The following FSCN2 variants were observed in gnomAD, a reference collection of about 807,000 sequenced individuals.
FSCN2 encodes fascin actin-bundling protein 2, retinal.
FSCN2 carries 46 observed loss-of-function variants against 37.8 expected under a neutral mutation model. The observed-to-expected ratio is 1.22, with a 90% CI of 0.96 to 1.56. FSCN2 has a LOEUF of 1.56. Ranked by LOEUF, FSCN2 falls within the 40% of genes most tolerant of loss-of-function variation. The pLI is 0.00. For missense variants in FSCN2, 844 were observed against 730.4 expected (o/e 1.16, Z -1.79); for synonymous variants, 351 against 309.4 (o/e 1.13, Z -1.41).
intron 3 of FSCN2, 176 bp from the exon 4 acceptor site, chr17:81,536,446 A>G (rs2075722): frequency 0.2 from 289,920 of 1,477,848 alleles, 31,035 homozygotes; most frequent in African/African-American, 0.38. Flanking sequence ...ACAGGTCTGA[A>G]TGTCCTTATC....
In FSCN2 at chr17:81,535,200, C is replaced by T; in HGVS notation, c.975C>T (p.Ala325=). The T allele has an allele frequency of 6.5e-7, 1 of 1,531,018 alleles. No individual in the cohort carries two copies. Among genetic ancestry groups the T allele is most frequent in the Non-Finnish European group, 8.7e-7 (1 of 1,143,912 alleles). The allele number at this position is 1,531,018 out of a possible 1,614,324, so 94.8% of individuals were successfully genotyped here. A position where few individuals can be genotyped will look rare whatever the true frequency, so the allele number is the denominator to read the frequency against. Residue 325 remains alanine, a synonymous_variant, in exon 2 of 5, where the codon GCC becomes GCT. Coordinates refer to ENST00000417245, the MANE Select transcript of FSCN2 (RefSeq NM_012418.4). Reference sequence around the variant, plus strand: ...CCCATGGGGGCATTCACGCCACAGCCACACAAGTGTGAGTGCACACATCCC... The same window carrying T: ...CCCATGGGGGCATTCACGCCACAGCTACACAAGTGTGAGTGCACACATCCC... ...LVTHGGIHAT[A]TQVSANTMFE...
rs374441539 is a variant in FSCN2, at chr17:81,536,187, G to A, written c.1025G>A (p.Arg342Gln). 98 of 1,601,692 alleles carry A rather than the reference G, an allele frequency of 6.1e-5. No individual in the cohort carries two copies. The highest frequency in any genetic ancestry group is 3.3e-4 in the Middle Eastern group (2 of 6,068). The change falls in exon 3 of 5, where the codon CGG (arginine) becomes CAG (glutamine). Residue 342 changes from arginine to glutamine, a missense_variant. Coordinates refer to ENST00000417245, the MANE Select transcript of FSCN2 (RefSeq NM_012418.4). ...TTTGAGATGGAGTGGCGTGGCCGGC[G>A]GGTAGCACTCAAAGCCAGCAACGGG... ...TMFEMEWRGR[R>Q]VALKASNGRY...
chr17:81,518,054 C>T, the FSCN2 span, among the ~76,000 whole-genome samples: 2 of 152,156 alleles, frequency 1.3e-5, no homozygotes, highest in South Asian at 2.1e-4. Context: ...CAAATCCCCG[C>T]TGCTCCCAAG....
Position 81,529,036 on chromosome 17 carries a change from T to A in FSCN2, c.505T>A (p.Trp169Arg). 1 of 1,589,406 alleles carries A rather than the reference T, an allele frequency of 6.3e-7. No homozygotes were observed. The highest frequency in any genetic ancestry group is 8.5e-7 in the Non-Finnish European group (1 of 1,171,540). Reference protein sequence around the residue: ...DEMAADGDKPWGVDALLTLIF... With the variant: ...DEMAADGDKPRGVDALLTLIF... ...GATGGCCGCAGACGGAGACAAGCCC[T>A]GGGGCGTGGACGCCCTCCTCACCCT... is the stretch of plus-strand genomic sequence containing the variant. The change falls in exon 1 of 5, where the codon TGG becomes AGG. Residue 169 changes from tryptophan (W) to arginine (R), a missense_variant. Trp to Arg is a moderately radical substitution (Grantham distance 101). Transcript: ENST00000417245.
chr17:81,523,212 G>A, the FSCN2 span, among the ~76,000 whole-genome samples: 1 of 152,174 alleles, frequency 6.6e-6, no homozygotes, highest in Non-Finnish European at 1.5e-5. Context: ...AGCTGCTTTC[G>A]GGGAGGGGCA....
intron 1 of FSCN2, 55 bp downstream of exon 1, chr17:81,529,412 A>G (rs1598570532): frequency 7.4e-7 from 1 of 1,355,602 alleles, no homozygotes; most frequent in African/African-American, 1.4e-5. Flanking sequence ...CCCCTGCTTC[A>G]GGGAGGAGGC....
chr17:81,523,659 CAG>C (rs2032268711), upstream of FSCN2: 1 of 152,506 alleles, frequency 6.6e-6, no homozygotes, highest in Non-Finnish European at 1.5e-5. Context: ...TCACTGGAGA[CAG>C]GGATGCCAAC....
chr17:81,532,161 ATGGTGATGGTGGTGGTGATGGTGG>A (rs1310608016), intron 1 of FSCN2, among the ~76,000 whole-genome samples: 14 of 72,154 alleles, frequency 1.9e-4, no homozygotes, highest in Admixed American at 1.2e-3. Flanking sequence ...GGTGATGATG[ATGGTGATGGTGGTGGTGATGGTGG>A]TGGTGATGGT....
intron 1 of FSCN2, among the ~76,000 whole-genome samples, chr17:81,532,715 G>GGT (rs1369022474): frequency 2.0e-4 from 31 of 151,812 alleles, no homozygotes; most frequent in African/African-American, 7.0e-4. Flanking sequence ...TAGTGATGGT[G>GGT]GTGGTGATAG....
Position 81,536,138 on chromosome 17 carries a change from C to A in FSCN2, c.984-8C>A. 6.2e-7 allele frequency: 1 copy of A among 1,606,426 alleles called. No homozygotes were observed. On this transcript the variant is annotated splice_region_variant and splice_polypyrimidine_tract_variant and intron_variant, in intron 2 of 4. Coordinates refer to ENST00000417245, the MANE Select transcript of FSCN2 (RefSeq NM_012418.4). ...TGTCCTGAGGAGACCTTTTGCTGCT[C>A]CCTCCAGTTCTGCCAACACCATGTT... is the stretch of plus-strand genomic sequence containing the variant.
intron 1 of FSCN2, chr17:81,529,610 C>A: frequency 1.4e-6 from 1 of 722,756 alleles, no homozygotes; most frequent in Admixed American, 1.8e-5. Flanking sequence ...CCTTTCTCAG[C>A]ATAGCTGGAG....
At chr17:81,528,292 G>T, upstream of FSCN2, 1 of 552,990 alleles carries the variant, frequency 1.8e-6, no homozygotes, top group Non-Finnish European at 3.3e-6. Flanking sequence ...CTGCTCCTAA[G>T]CCGCACGTCT....
chr17:81,520,303 G>C, the FSCN2 span, among the ~76,000 whole-genome samples: 1 of 152,188 alleles, frequency 6.6e-6, no homozygotes, highest in Admixed American at 6.5e-5. Flanking sequence ...GGAGAGGCCC[G>C]AGCTGGGGTC....
At chr17:81,517,774 C>T in the FSCN2 span, among the ~76,000 whole-genome samples, 523 of 149,498 alleles carry the variant, frequency 3.5e-3, 3 homozygotes, top group Non-Finnish European at 6.0e-3. Context: ...CCCCCCCCTC[C>T]AGTCCCACTC....
upstream of FSCN2, among the ~76,000 whole-genome samples, chr17:81,528,072 C>T (rs562446959): frequency 8.5e-5 from 13 of 152,074 alleles, no homozygotes; most frequent in African/African-American, 2.4e-4. Flanking sequence ...TGGGCCGGGC[C>T]GGGCCGGGAG....
chr17:81,521,244 C>A, the FSCN2 span, among the ~76,000 whole-genome samples: 3 of 151,736 alleles, frequency 2.0e-5, no homozygotes, highest in Non-Finnish European at 4.4e-5. Context: ...ATTTTTGTAT[C>A]TTTAGTAGAG....
chr17:81,530,192 A>T (rs2032504524), intron 1 of FSCN2: 1 of 281,322 alleles, frequency 3.6e-6, no homozygotes, highest in African/African-American at 2.3e-5. Flanking sequence ...TAGCACCACC[A>T]CGTGCCTGAC....
intron 1 of FSCN2, among the ~76,000 whole-genome samples, chr17:81,531,456 ATGGTGATGATGGTGG>A (rs2032588881): frequency 1.4e-5 from 1 of 73,396 alleles, no homozygotes; most frequent in East Asian, 5.1e-4. Flanking sequence ...GGTGGTGGTG[ATGGTGATGATGGTGG>A]TGGTGGTGAT....
chr17:81,528,515 A>C lies in FSCN2; in HGVS notation c.-17A>C, dbSNP rs1196836280. The C allele has an allele frequency of 6.4e-7, 1 of 1,565,842 alleles. No individual in the cohort carries two copies. The highest frequency in any genetic ancestry group is 8.7e-7 in the Non-Finnish European group (1 of 1,153,696). On this transcript the variant is annotated 5_prime_UTR_variant, in exon 1 of 5. Coordinates refer to ENST00000417245, the MANE Select transcript of FSCN2 (RefSeq NM_012418.4). ...GGGCGCATCCCAGGCCCCTCCGGGG[A>C]CCCGGCCAGCCTGAAGATGCCGACG...
Sources: allele counts gnomAD v4.1 joint callset (sites outside exome capture counted in the v4.1 genomes callset), GRCh38; gene constraint gnomAD v4.1.1; transcripts MANE v1.5; gene names NCBI Gene and HGNC (gene_info 2026-07-23, HGNC 2026-07-21).